Variants in ZNF846 observed in about 807,000 individuals in gnomAD.
The protein encoded by ZNF846 is zinc finger protein 420 pseudogene.
A neutral mutation model predicts 16.0 loss-of-function variants in ZNF846; 15 were observed. That is an observed-to-expected ratio of 0.94 (90% CI 0.63 to 1.45). The LOEUF is 1.45. Ranked by LOEUF, ZNF846 falls within the 40% of genes most tolerant of loss-of-function variation. ZNF846 has a pLI of 0.00. For synonymous variants in ZNF846, 229 were observed against 212.0 expected (o/e 1.08, Z -0.70); for missense variants, 714 against 622.3 (o/e 1.15, Z -1.57).
At chr19:9,778,885 C>G (rs1487239547) in intron 1 of ZNF846, among the ~76,000 whole-genome samples, 1 of 151,018 alleles carries the variant, frequency 6.6e-6, no homozygotes, top group Non-Finnish European at 1.5e-5. Context: ...CTCAATCCAT[C>G]CTCCCAACTC....
At chr19:9,762,720 G>C (rs1019266184) in intron 3 of ZNF846, among the ~76,000 whole-genome samples, 5 of 152,206 alleles carry the variant, frequency 3.3e-5, no homozygotes, top group African/African-American at 1.2e-4. Flanking sequence ...GGAAGAAGAA[G>C]AATGGCCTTG....
downstream of ZNF846, among the ~76,000 whole-genome samples, chr19:9,750,221 C>T (rs1457692160): frequency 6.6e-6 from 1 of 152,182 alleles, no homozygotes; most frequent in Non-Finnish European, 1.5e-5. Context: ...CTGCATCTCA[C>T]TCCATCTTTG....
chr19:9,766,429 A>C (rs1204663219), intron 1 of ZNF846, among the ~76,000 whole-genome samples: 5 of 149,658 alleles, frequency 3.3e-5, no homozygotes, highest in Non-Finnish European at 7.4e-5. Flanking sequence ...AAAAAAAAAA[A>C]GCCACAGAAA....
chr19:9,760,352 T>C (rs1243045028), intron 4 of ZNF846, among the ~76,000 whole-genome samples: 2 of 150,522 alleles, frequency 1.3e-5, no homozygotes, highest in South Asian at 2.1e-4. Flanking sequence ...AGTGAAGAAC[T>C]ACAGGGCTCT....
At chr19:9,780,050 T>TG (rs1568330815) in intron 1 of ZNF846, among the ~76,000 whole-genome samples, 2 of 146,860 alleles carry the variant, frequency 1.4e-5, no homozygotes, top group African/African-American at 5.2e-5. Flanking sequence ...CTAATTTTGT[T>TG]TTTTTTTTTG....
At chr19:9,762,238 A>G in intron 3 of ZNF846, 70 bp from the exon 4 acceptor site, 1 of 1,206,972 alleles carries the variant, frequency 8.3e-7, no homozygotes, top group Non-Finnish European at 1.2e-6. Flanking sequence ...ATGGGGAACC[A>G]ATACTTTTGC....
rs74183307 is a variant in ZNF846 at position 9,783,218 on chromosome 19, C to CTTTTTTTTT, written c.-86+2711_-86+2719dup. ...AGTACCTGGACTTCTCCCTATAATTCTTTTTTTTTTTTTTTTTTTTTTTTT... is the reference window on the plus strand; with the variant it reads ...AGTACCTGGACTTCTCCCTATAATTCTTTTTTTTTTTTTTTTTTTTTTTTTTTTTTTTTT... On this transcript the variant is annotated intron_variant, in intron 1 of 4. Coordinates refer to the ZNF846 transcript ENST00000586814. Among the ~76,000 whole-genome samples, 5 of 65,406 alleles carry CTTTTTTTTT rather than the reference C, an allele frequency of 7.6e-5. 2 individuals carry two copies. The highest frequency in any genetic ancestry group is 1.5e-4 in the Non-Finnish European group (5 of 34,376). The allele number at this position is 65,406 out of a possible 152,430, so 42.9% of individuals were successfully genotyped here.
At chr19:9,781,188 G>A (rs574850315) in intron 1 of ZNF846, among the ~76,000 whole-genome samples, 7 of 152,068 alleles carry the variant, frequency 4.6e-5, no homozygotes, top group South Asian at 4.2e-4. Flanking sequence ...GCCCAGTGGC[G>A]GATCTTGGCT....
chr19:9,764,989 C>T (rs2045291611), exon 2 of ZNF846: 1 of 1,612,342 alleles, frequency 6.2e-7, no homozygotes, highest in South Asian at 1.1e-5. Context: ...GCCTTGGCTT[C>T]TCGATGTTCC....
intron 1 of ZNF846, among the ~76,000 whole-genome samples, chr19:9,775,671 T>C (rs1373590490): frequency 6.6e-6 from 1 of 152,204 alleles, no homozygotes; most frequent in Non-Finnish European, 1.5e-5. Flanking sequence ...GGTATTTGAA[T>C]GATTTTTGGG....
intron 1 of ZNF846, among the ~76,000 whole-genome samples, chr19:9,773,761 G>A (rs1044715048): frequency 6.6e-6 from 1 of 151,910 alleles, no homozygotes; most frequent in African/African-American, 2.4e-5. Flanking sequence ...CAGCCTGGGC[G>A]ACAGAGCGAA....
rs575680095 is a variant in ZNF846 at position 9,775,009 on chromosome 19, T to C, written c.-85-9974A>G. ...AAGTGTAAGCAGAGGCCCCATGCAG[T>C]GCATTCAGACACCCGGCAAAGCAGG... On this transcript the variant is annotated intron_variant, in intron 1 of 4. Transcript: ENST00000586814. 3.2e-5 allele frequency: 49 copies of C among 1,533,566 alleles called. No individual in the cohort carries two copies. In the South Asian group the frequency reaches 5.1e-4, roughly 16 times the overall value. The allele number at this position is 1,533,566 out of a possible 1,614,324, so 95.0% of individuals were successfully genotyped here. A position where few individuals can be genotyped will look rare whatever the true frequency, so the allele number is the denominator to read the frequency against.
exon 2 of ZNF846, chr19:9,765,022 C>G (rs2045292247): frequency 3.2e-6 from 5 of 1,564,262 alleles, no homozygotes; most frequent in Admixed American, 1.7e-5. Flanking sequence ...AGAAAGTGTC[C>G]TGGAAAAAAT....
At chr19:9,774,906 G>A in intron 1 of ZNF846, 1 of 1,609,672 alleles carries the variant, frequency 6.2e-7, no homozygotes, top group Non-Finnish European at 8.5e-7. Context: ...AAAAAATTCT[G>A]TAAGAATGCT....
At position 9,778,803 on chromosome 19, in the gene ZNF846, C is replaced by CAAAA. The variant is rs56001426; in HGVS notation, c.-86+7131_-86+7134dup. 2.4e-3 allele frequency among the ~76,000 whole-genome samples: 124 copies of CAAAA among 51,302 alleles called. 1 individual carries two copies. Among genetic ancestry groups the CAAAA allele is most frequent in the African/African-American group, 6.2e-3 (100 of 16,170 alleles). The allele number at this position is 51,302 out of a possible 152,430, so 33.7% of individuals were successfully genotyped here. A position where few individuals can be genotyped will look rare whatever the true frequency, so the allele number is the denominator to read the frequency against. On this transcript the variant is annotated intron_variant, in intron 1 of 4. Coordinates refer to the ZNF846 transcript ENST00000586814. ...GGGCAACAAGAGCGAAAACTCGTCT[C>CAAAA]AAAAAAAAAAAAAAAAAAAAAAAAG... is the stretch of plus-strand genomic sequence containing the variant.
At chr19:9,779,940 G>C (rs144641945) in intron 1 of ZNF846, among the ~76,000 whole-genome samples, 1 of 150,492 alleles carries the variant, frequency 6.6e-6, no homozygotes, top group East Asian at 2.0e-4. Context: ...GTAGTACAGT[G>C]ATCTTCACTC....
chr19:9,750,302 A>C (rs1429925206), downstream of ZNF846, among the ~76,000 whole-genome samples: 1 of 152,172 alleles, frequency 6.6e-6, no homozygotes, highest in Non-Finnish European at 1.5e-5. Context: ...CAGCCCCATG[A>C]ATAGTAGTGA....
At chr19:9,783,544 A>AATATATATATAT (rs1555714919) in intron 1 of ZNF846, among the ~76,000 whole-genome samples, 49 of 108,770 alleles carry the variant, frequency 4.5e-4, no homozygotes, top group Admixed American at 9.5e-4. Flanking sequence ...AAAAAAAAAA[A>AATATATATATAT]ATATATATAT....
upstream of ZNF846, among the ~76,000 whole-genome samples, chr19:9,770,173 T>C (rs2045377515): frequency 6.6e-6 from 1 of 152,082 alleles, no homozygotes; most frequent in African/African-American, 2.4e-5. Context: ...CACAATCAAT[T>C]TTAGAACATT....
Sources: allele counts gnomAD v4.1 joint callset (sites outside exome capture counted in the v4.1 genomes callset), GRCh38; gene constraint gnomAD v4.1.1; transcripts MANE v1.5; gene names NCBI Gene and HGNC (gene_info 2026-07-23, HGNC 2026-07-21).